XXYLT1: variants seen among roughly 807,000 people sequenced by gnomAD.
XXYLT1 encodes UDP-xylose:alpha-xyloside alpha-1,3-xylosyltransferase.
XXYLT1 carries 20 observed loss-of-function variants against 28.9 expected under a neutral mutation model. The ratio of observed to expected loss-of-function variants is 0.69; its 90% confidence interval spans 0.49 to 1.00. The LOEUF (loss-of-function observed/expected upper bound fraction) is 1.00. XXYLT1 is among the 50% of genes least tolerant of loss of function. XXYLT1 has a pLI of 0.00. For missense variants in XXYLT1, 542 were observed against 560.1 expected, an observed-to-expected ratio of 0.97 and a Z score of 0.33; for synonymous variants, 257 against 253.8, an observed-to-expected ratio of 1.01 and a Z score of -0.12.
chr3:195,073,304 C>A (rs150479121), intron 3 of XXYLT1, among the ~76,000 whole-genome samples: 3 of 152,216 alleles, frequency 2.0e-5, no homozygotes, highest in African/African-American at 7.2e-5. Context: ...GAGGCCTCTA[C>A]GAGGCAGGGC....
At chr3:195,226,557 G>A in intron 2 of XXYLT1, 152 bp downstream of exon 2, 1 of 963,922 alleles carries the variant, frequency 1.0e-6, no homozygotes, top group Non-Finnish European at 1.4e-6. Context: ...GAAGCTCGGT[G>A]GTACAAAGGG....
chr3:195,252,692 C>CCACA (rs774827660), intron 1 of XXYLT1, among the ~76,000 whole-genome samples: 8,729 of 83,480 alleles, frequency 0.1, 427 homozygotes, highest in South Asian at 0.14. Context: ...AGAAAAAAAA[C>CCACA]CACACACACA....
intron 1 of XXYLT1, among the ~76,000 whole-genome samples, chr3:195,244,548 G>A (rs1238240447): frequency 6.6e-6 from 1 of 151,440 alleles, no homozygotes. Context: ...GATCACCTGA[G>A]GTCGGCTGTT....
In XXYLT1 at chr3:195,247,023, A is replaced by G. The variant is rs552464317; in HGVS notation, c.505-20167T>C. 2.6e-5 allele frequency among the ~76,000 whole-genome samples: 4 copies of G among 152,306 alleles called. No homozygotes were observed. The East Asian group carries it at 7.7e-4, about 29-fold the overall frequency. ...TACTCTGAGTGAACTTTTTTGAAATAATCCTTGCACAGTGGGTAGAAGCAT... is the reference window on the plus strand; with the variant it reads ...TACTCTGAGTGAACTTTTTTGAAATGATCCTTGCACAGTGGGTAGAAGCAT... On this transcript the variant is annotated intron_variant, in intron 1 of 3. Transcript: ENST00000310380.
intron 3 of XXYLT1, among the ~76,000 whole-genome samples, chr3:195,112,971 T>A (rs781112687): frequency 6.6e-6 from 1 of 152,232 alleles, no homozygotes; most frequent in Non-Finnish European, 1.5e-5. Flanking sequence ...CAAAATCCAA[T>A]CTGGGTTTCA....
At position 195,180,262 on chromosome 3, in the gene XXYLT1, C is replaced by T; in HGVS notation, c.653-23681G>A. The T allele has an allele frequency of 1.0e-6, 1 of 959,060 alleles. No homozygotes were observed. The highest frequency in any genetic ancestry group is 1.2e-6 in the Non-Finnish European group (1 of 805,952). 59.4% of individuals were successfully genotyped at this position (959,060 alleles called of 1,614,324 possible). A position where few individuals can be genotyped will look rare whatever the true frequency, so the allele number is the denominator to read the frequency against. On this transcript the variant is annotated intron_variant, in intron 2 of 3. Transcript: ENST00000310380. This position sits in a 1 kb window ranked among gnomAD's most constrained non-coding sequence, Gnocchi z 5.8. ...CTGACACCGGGGGTGGTGAGTGGCACACTCGGTCCCCCAGTTACAGGAAAG... is the reference window on the plus strand; with the variant it reads ...CTGACACCGGGGGTGGTGAGTGGCATACTCGGTCCCCCAGTTACAGGAAAG...
At position 195,255,187 on chromosome 3, in the gene XXYLT1, A is replaced by G. The variant is rs991775927; in HGVS notation, c.504+15368T>C. 6.6e-6 allele frequency among the ~76,000 whole-genome samples: 1 copy of G among 152,236 alleles called. No individual in the cohort carries two copies. Among genetic ancestry groups the G allele is most frequent in the Non-Finnish European group, 1.5e-5 (1 of 68,042 alleles). ...CAAGGAGCTTCAGTCGGACTAAACC[A>G]GCAGAAAAGGCGGTTTCCGAGTACC... On this transcript the variant is annotated intron_variant, in intron 1 of 3. Transcript: ENST00000310380. The surrounding 1 kb of genome is among the most constrained non-coding windows in gnomAD (Gnocchi z 4.5).
At chr3:195,232,843 G>A (rs1293258229) in intron 1 of XXYLT1, among the ~76,000 whole-genome samples, 1 of 152,238 alleles carries the variant, frequency 6.6e-6, no homozygotes, top group African/African-American at 2.4e-5. Flanking sequence ...GCAGAAGAAT[G>A]TGTATTCTGC....
chr3:195,076,311 G>A lies in XXYLT1; in HGVS notation c.786-6200C>T, dbSNP rs1438813078. ...ACCCCACACCCACCCGTTCCAGAGAGGAAGAAGCCCGCACGGGGTCACGGG... is the reference window on the plus strand; with the variant it reads ...ACCCCACACCCACCCGTTCCAGAGAAGAAGAAGCCCGCACGGGGTCACGGG... On this transcript the variant is annotated intron_variant, in intron 3 of 3. Transcript: ENST00000310380. This position sits in a 1 kb window ranked among gnomAD's most constrained non-coding sequence, Gnocchi z 5.3. 1.3e-5 allele frequency among the ~76,000 whole-genome samples: 2 copies of A among 149,480 alleles called. No individual in the cohort carries two copies. Among genetic ancestry groups the A allele is most frequent in the Non-Finnish European group, 3.0e-5 (2 of 67,554 alleles).
intron 3 of XXYLT1, among the ~76,000 whole-genome samples, chr3:195,099,220 A>G (rs1716626921): frequency 6.6e-6 from 1 of 152,212 alleles, no homozygotes; most frequent in Non-Finnish European, 1.5e-5. Context: ...AATAAACTCT[A>G]AGAAATAAAT....
At chr3:195,169,519 C>T (rs1026083998) in intron 2 of XXYLT1, among the ~76,000 whole-genome samples, 3 of 152,130 alleles carry the variant, frequency 2.0e-5, no homozygotes, top group Non-Finnish European at 4.4e-5. Flanking sequence ...CAGTGGGACA[C>T]AGATATAGAT....
At chr3:195,261,407 C>T in intron 1 of XXYLT1, among the ~76,000 whole-genome samples, 1 of 152,092 alleles carries the variant, frequency 6.6e-6, no homozygotes, top group East Asian at 1.9e-4. Flanking sequence ...CACCACTGCA[C>T]TCTGGCCTGG....
intron 3 of XXYLT1, among the ~76,000 whole-genome samples, chr3:195,109,681 A>G (rs1215159149): frequency 3.0e-5 from 1 of 33,236 alleles, no homozygotes; most frequent in African/African-American, 1.2e-4. Context: ...TGTGTGTTGT[A>G]TGAGTGTGTG....
intron 2 of XXYLT1, among the ~76,000 whole-genome samples, chr3:195,218,600 C>A (rs1181248967): frequency 6.6e-6 from 1 of 152,060 alleles, no homozygotes; most frequent in Non-Finnish European, 1.5e-5. Flanking sequence ...AAATGCAAAT[C>A]AAAACCACAA....
chr3:195,249,091 T>C (rs980119415), intron 1 of XXYLT1, among the ~76,000 whole-genome samples: 3 of 152,176 alleles, frequency 2.0e-5, no homozygotes, highest in African/African-American at 7.2e-5. Context: ...GCAGACGGAA[T>C]TGTAGATGCC....
chr3:195,083,029 C>T (rs2108649837), intron 3 of XXYLT1, among the ~76,000 whole-genome samples: 1 of 152,302 alleles, frequency 6.6e-6, no homozygotes, highest in Admixed American at 6.5e-5. Context: ...CCGAATTCCA[C>T]AAAGCCCCTG....
At chr3:195,160,236 T>C (rs62285228) in intron 2 of XXYLT1, among the ~76,000 whole-genome samples, 21,491 of 152,178 alleles carry the variant, frequency 0.14, 1,903 homozygotes, top group East Asian at 0.41. Flanking sequence ...AGAAAAGACA[T>C]GCTCAGGTAA....
At chr3:195,227,033 G>A (rs1449830730) in intron 1 of XXYLT1, among the ~76,000 whole-genome samples, 177 bp from the exon 2 acceptor site, 1 of 152,142 alleles carries the variant, frequency 6.6e-6, no homozygotes, top group Non-Finnish European at 1.5e-5. Flanking sequence ...AAACAACCAG[G>A]AGTCAGAATT....
chr3:195,146,425 T>A (rs1719851617), intron 3 of XXYLT1, among the ~76,000 whole-genome samples: 1 of 152,240 alleles, frequency 6.6e-6, no homozygotes, highest in Admixed American at 6.5e-5. Context: ...TGCGGGCCCA[T>A]CATCCGCCGC....
Sources: allele counts gnomAD v4.1 joint callset (sites outside exome capture counted in the v4.1 genomes callset), GRCh38; gene constraint gnomAD v4.1.1; non-coding constraint Gnocchi (gnomAD v3.1); transcripts MANE v1.5; gene names NCBI Gene and HGNC (gene_info 2026-07-23, HGNC 2026-07-21).